Variants in TANGO6 observed in about 807,000 individuals in gnomAD.
The protein encoded by TANGO6 is transport and Golgi organization protein 6 homolog.
Under a neutral mutation model 114.2 loss-of-function variants are expected in TANGO6, and 90 were observed. That is an observed-to-expected ratio of 0.79 (90% CI 0.66 to 0.94). The LOEUF (loss-of-function observed/expected upper bound fraction) is 0.94, where lower values mean the gene tolerates loss of function less well. Among genes scored for constraint, TANGO6 ranks in the 40% least tolerant of loss-of-function variants. The pLI is 0.00. For missense variants in TANGO6, 1,274 were observed against 1,315.3 expected (o/e 0.97, Z 0.49); for synonymous variants, 477 against 509.8 (o/e 0.94, Z 0.87).
chr16:68,965,354 C>A (rs1425828520), intron 14 of TANGO6, among the ~76,000 whole-genome samples: 2 of 152,056 alleles, frequency 1.3e-5, no homozygotes, highest in Non-Finnish European at 1.5e-5. Context: ...AATCAAGTAA[C>A]GGGTTACAAT....
intron 17 of TANGO6, among the ~76,000 whole-genome samples, chr16:69,041,503 A>T (rs1355176401): frequency 6.6e-6 from 1 of 151,798 alleles, no homozygotes. Context: ...GGCTTTATTC[A>T]TCCTAGAATG....
At chr16:69,070,827 G>A (rs987598982) in intron 17 of TANGO6, among the ~76,000 whole-genome samples, 1 of 150,926 alleles carries the variant, frequency 6.6e-6, no homozygotes, top group African/African-American at 2.4e-5. Context: ...ATGCTGGAAT[G>A]TAATGGGGTG....
At chr16:68,924,704 C>T (rs1217121465) in intron 12 of TANGO6, among the ~76,000 whole-genome samples, 2 of 150,278 alleles carry the variant, frequency 1.3e-5, no homozygotes, top group Non-Finnish European at 3.0e-5. Context: ...GCAGGAGGAT[C>T]GCTTGAACGT....
chr16:69,077,226 A>T (rs13335686), intron 17 of TANGO6, among the ~76,000 whole-genome samples: 6,288 of 149,842 alleles, frequency 0.042, 414 homozygotes, highest in African/African-American at 0.14. Context: ...ATTTTATTTT[A>T]TTTTTTTTTA....
intron 15 of TANGO6, among the ~76,000 whole-genome samples, chr16:69,003,420 C>T (rs1373064644): frequency 1.3e-5 from 2 of 152,216 alleles, no homozygotes; most frequent in African/African-American, 4.8e-5. Flanking sequence ...AAGAGCAAAG[C>T]CTTAGCTACT....
chr16:69,082,075 C>G (rs538112910), intron 17 of TANGO6, among the ~76,000 whole-genome samples: 24 of 152,268 alleles, frequency 1.6e-4, no homozygotes, highest in Non-Finnish European at 1.6e-4. Context: ...CCTCCGCCTC[C>G]TGGGTTCAAG....
intron 15 of TANGO6, among the ~76,000 whole-genome samples, chr16:69,014,312 T>C (rs918229162): frequency 1.3e-5 from 2 of 152,170 alleles, no homozygotes; most frequent in Admixed American, 6.5e-5. Flanking sequence ...AATTCATATA[T>C]CCTTATGATA....
At chr16:68,939,377 TGA>T (rs1240864988) in intron 14 of TANGO6, among the ~76,000 whole-genome samples, 1 of 151,960 alleles carries the variant, frequency 6.6e-6, no homozygotes, top group Non-Finnish European at 1.5e-5. Flanking sequence ...GGAACAAGAG[TGA>T]GACTTTGTCT....
intron 15 of TANGO6, among the ~76,000 whole-genome samples, chr16:69,005,301 A>G (rs552807031): frequency 5.9e-5 from 9 of 152,330 alleles, no homozygotes; most frequent in African/African-American, 2.2e-4. Flanking sequence ...AAAATGGCCA[A>G]TTGTTAGAAA....
chr16:68,983,117 T>C (rs1484683303), intron 15 of TANGO6, among the ~76,000 whole-genome samples: 1 of 152,124 alleles, frequency 6.6e-6, no homozygotes, highest in African/African-American at 2.4e-5. Flanking sequence ...CTCAAAGTAC[T>C]GGAACTACAG....
chr16:69,039,738 A>G (rs898915333), intron 16 of TANGO6, among the ~76,000 whole-genome samples: 9 of 152,236 alleles, frequency 5.9e-5, no homozygotes, highest in Non-Finnish European at 1.0e-4. Flanking sequence ...GCTGACTCAC[A>G]TCCGGTGTAC....
chr16:69,053,553 A>C, intron 17 of TANGO6, among the ~76,000 whole-genome samples: 1 of 152,210 alleles, frequency 6.6e-6, no homozygotes, highest in South Asian at 2.1e-4. Context: ...GTCTCCTATA[A>C]GCCTTCATCC....
chr16:69,077,273 A>C (rs1235914418), intron 17 of TANGO6, among the ~76,000 whole-genome samples: 3 of 151,862 alleles, frequency 2.0e-5, no homozygotes, highest in Non-Finnish European at 4.4e-5. Context: ...CCAGGCTGGA[A>C]GAATTTTAGG....
chr16:69,083,417 G>T, intron 17 of TANGO6, 68 bp from the exon 18 acceptor site: 2 of 1,508,752 alleles, frequency 1.3e-6, no homozygotes, highest in South Asian at 2.6e-5. Flanking sequence ...AGGAGGAGAG[G>T]GCAGTTCAGT....
chr16:68,878,420 C>G, intron 6 of TANGO6, 140 bp downstream of exon 6: 7 of 1,041,202 alleles, frequency 6.7e-6, no homozygotes, highest in Non-Finnish European at 9.2e-6. Context: ...TTGACAAATT[C>G]ACTTACAAGT....
At chr16:68,845,327 T>C (rs1961786642) in intron 1 of TANGO6, among the ~76,000 whole-genome samples, 1 of 152,200 alleles carries the variant, frequency 6.6e-6, no homozygotes, top group Admixed American at 6.5e-5. Flanking sequence ...CTGAAAGTAA[T>C]CATCTGTTAT....
At chr16:68,856,527 C>T (rs916091683) in intron 1 of TANGO6, among the ~76,000 whole-genome samples, 1 of 152,064 alleles carries the variant, frequency 6.6e-6, no homozygotes. Context: ...TAATAGATTC[C>T]GTTTTTTAGA....
chr16:69,048,914 C>T (rs8062856), intron 17 of TANGO6, among the ~76,000 whole-genome samples: 72,345 of 151,788 alleles, frequency 0.48, 17,841 homozygotes, highest in East Asian at 0.58. Flanking sequence ...CTGAGGGAAG[C>T]TGATGAACAG....
chr16:68,897,484 G>T (rs1962721125), intron 7 of TANGO6, among the ~76,000 whole-genome samples: 1 of 151,778 alleles, frequency 6.6e-6, no homozygotes, highest in Non-Finnish European at 1.5e-5. Flanking sequence ...ATAAATAGCT[G>T]TACATTATTT....
Sources: allele counts gnomAD v4.1 joint callset (sites outside exome capture counted in the v4.1 genomes callset), GRCh38; gene constraint gnomAD v4.1.1; transcripts MANE v1.5; gene names NCBI Gene and HGNC (gene_info 2026-07-23, HGNC 2026-07-21).